GOLM1: variants seen among roughly 807,000 people sequenced by gnomAD.
The protein encoded by GOLM1 is golgi membrane protein 1, also known as epididymis luminal protein 46.
Under a neutral mutation model 50.5 loss-of-function variants are expected in GOLM1, and 31 were observed. The ratio of observed to expected loss-of-function variants is 0.61; its 90% CI spans 0.46 to 0.83. GOLM1 has a LOEUF of 0.83. Among genes scored for constraint, GOLM1 ranks in the 40% least tolerant of loss-of-function variants. The pLI is 0.00. For missense variants in GOLM1, 491 were observed against 501.3 expected (o/e 0.98, Z 0.20); for synonymous variants, 178 against 192.8 (o/e 0.92, Z 0.64).
At chr9:86,041,858 C>T (rs1833363018) in intron 5 of GOLM1, among the ~76,000 whole-genome samples, 1 of 152,162 alleles carries the variant, frequency 6.6e-6, no homozygotes, top group African/African-American at 2.4e-5. Flanking sequence ...GTGGCTCACG[C>T]CTGTAATCCC....
chr9:86,031,611 GC>G (rs1832987026), intron 9 of GOLM1, among the ~76,000 whole-genome samples: 1 of 151,360 alleles, frequency 6.6e-6, no homozygotes, highest in South Asian at 2.1e-4. Flanking sequence ...ACAGGCATGT[GC>G]CACCACGCCT....
intron 4 of GOLM1, among the ~76,000 whole-genome samples, chr9:86,051,918 A>G (rs1833766361): frequency 1.3e-5 from 2 of 152,312 alleles, no homozygotes; most frequent in South Asian, 4.1e-4. Context: ...CAAGTCATAT[A>G]AGGAATTTTT....
At chr9:86,056,503 A>AG (rs1315629039) in intron 3 of GOLM1, among the ~76,000 whole-genome samples, 3 of 72,520 alleles carry the variant, frequency 4.1e-5, no homozygotes, top group African/African-American at 2.2e-4. Context: ...TTTTTATTTA[A>AG]ATTTTTTTTT....
At chr9:86,099,679 C>T (rs1835476210), upstream of GOLM1, 1 of 151,222 alleles carries the variant, frequency 6.6e-6, no homozygotes, top group African/African-American at 2.4e-5. Flanking sequence ...CTCCCGGCCC[C>T]ACGGTGCGCG....
chr9:86,060,063 G>A (rs1332244166), intron 3 of GOLM1, among the ~76,000 whole-genome samples: 1 of 151,986 alleles, frequency 6.6e-6, no homozygotes, highest in African/African-American at 2.4e-5. Flanking sequence ...TAAGAAACAG[G>A]TGAAATTAAT....
intron 1 of GOLM1, among the ~76,000 whole-genome samples, chr9:86,093,568 CAAA>C (rs35939357): frequency 1.6e-5 from 2 of 124,648 alleles, no homozygotes; most frequent in African/African-American, 2.8e-5. Context: ...AGATTTCTGT[CAAA>C]AAAAAAAAAA....
chr9:86,040,036 A>T (rs1587700697), intron 6 of GOLM1, among the ~76,000 whole-genome samples: 1 of 151,942 alleles, frequency 6.6e-6, no homozygotes, highest in East Asian at 1.9e-4. Context: ...GAAATTGTCC[A>T]GATTAGGCAA....
At chr9:86,061,316 G>A (rs913446517) in intron 3 of GOLM1, among the ~76,000 whole-genome samples, 7 of 152,148 alleles carry the variant, frequency 4.6e-5, no homozygotes, top group Non-Finnish European at 7.3e-5. Context: ...CCTGTTGTCT[G>A]GAGAAATTTG....
chr9:86,079,102 C>G, intron 2 of GOLM1, 90 bp downstream of exon 2: 1 of 1,203,662 alleles, frequency 8.3e-7, no homozygotes, highest in Non-Finnish European at 1.1e-6. Flanking sequence ...CCCTGGCTGG[C>G]AATAAACAAC....
chr9:86,050,830 A>AT (rs1287428835), intron 4 of GOLM1, among the ~76,000 whole-genome samples: 3 of 151,994 alleles, frequency 2.0e-5, no homozygotes, highest in East Asian at 3.9e-4. Context: ...GGATTCATTG[A>AT]TTTTTTGAAG....
At position 86,052,519 on chromosome 9, in the gene GOLM1, G is replaced by A; in HGVS notation, c.364+18C>T. Reference sequence around the variant, plus strand: ...CTCAAAGGCCAGTGCCTGGTGTGGAGGAGCGAGCGGAACTTACCTTGCAGC... The same window carrying A: ...CTCAAAGGCCAGTGCCTGGTGTGGAAGAGCGAGCGGAACTTACCTTGCAGC... On this transcript the variant is annotated intron_variant, in intron 4 of 9. Coordinates refer to ENST00000388712, the MANE Select transcript of GOLM1 (RefSeq NM_016548.4). 1.2e-6 allele frequency: 2 copies of A among 1,611,814 alleles called. No individual in the cohort carries two copies. Among genetic ancestry groups the A allele is most frequent in the South Asian group, 2.2e-5 (2 of 91,056 alleles).
At chr9:86,053,362 C>CA (rs1833840364) in intron 3 of GOLM1, among the ~76,000 whole-genome samples, 4 of 76,126 alleles carry the variant, frequency 5.3e-5, no homozygotes, top group Non-Finnish European at 7.7e-5. Context: ...ACACCACGTA[C>CA]CACTCCACAC....
chr9:86,034,452 C>T (rs916963127), intron 8 of GOLM1, among the ~76,000 whole-genome samples: 10 of 152,174 alleles, frequency 6.6e-5, no homozygotes, highest in Admixed American at 2.6e-4. Context: ...ACCTTTGTTA[C>T]GCTTTGTGAC....
At chr9:86,040,901 C>A (rs538048902) in intron 5 of GOLM1, 33 bp from the exon 6 acceptor site, 6 of 1,606,496 alleles carry the variant, frequency 3.7e-6, no homozygotes, top group Non-Finnish European at 5.1e-6. Context: ...AAGGGCCTGA[C>A]GTCTATGACT....
Position 86,027,903 on chromosome 9 carries a change from A to C in GOLM1, c.1130-10T>G. The C allele has an allele frequency of 6.8e-7, 1 of 1,459,930 alleles. No homozygotes were observed. The allele number at this position is 1,459,930 out of a possible 1,614,324, so 90.4% of individuals were successfully genotyped here. A position where few individuals can be genotyped will look rare whatever the true frequency, so the allele number is the denominator to read the frequency against. On this transcript the variant is annotated splice_polypyrimidine_tract_variant and intron_variant, in intron 9 of 9. Transcript: ENST00000388712. The stretch of plus-strand genomic sequence containing the variant: ...TCTTCAACATTAAAAACTAAAAAGG[A>C]AAAACACATAATATTCTATAGAGTA...
At chr9:86,060,899 AAAAAAAAAAAAAAAAG>A (rs60487364) in intron 3 of GOLM1, among the ~76,000 whole-genome samples, 10,274 of 122,674 alleles carry the variant, frequency 0.084, 1,232 homozygotes, top group East Asian at 0.27. Flanking sequence ...AAAAAAAAAA[AAAAAAAAAAAAAAAAG>A]AAGAAGAAGA....
At chr9:86,032,581 G>A (rs760925011) in intron 9 of GOLM1, among the ~76,000 whole-genome samples, 3 of 152,210 alleles carry the variant, frequency 2.0e-5, no homozygotes, top group Non-Finnish European at 4.4e-5. Context: ...TAAATGTGCT[G>A]TGATGGCAGC....
At chr9:86,040,599 T>G (rs1160045124) in intron 6 of GOLM1, 140 bp downstream of exon 6, 4 of 724,422 alleles carry the variant, frequency 5.5e-6, no homozygotes, top group Non-Finnish European at 9.2e-6. Context: ...CAGTACCAGG[T>G]TCTGCTCTGT....
Position 86,027,675 on chromosome 9 carries a change from G to A in GOLM1, c.*142C>T. 1.4e-6 allele frequency: 2 copies of A among 1,419,128 alleles called. No homozygotes were observed. Among genetic ancestry groups the A allele is most frequent in the Non-Finnish European group, 1.8e-6 (2 of 1,087,908 alleles). 87.9% of individuals were successfully genotyped at this position (1,419,128 alleles called of 1,614,324 possible). On this transcript the variant is annotated 3_prime_UTR_variant, in exon 10 of 10. Transcript: ENST00000388712. ...ACCATTCCATTTTTTCCTACACAAA[G>A]TGCATACTAAAATTTCACAATAATC...
Sources: allele counts gnomAD v4.1 joint callset (sites outside exome capture counted in the v4.1 genomes callset), GRCh38; gene constraint gnomAD v4.1.1; transcripts MANE v1.5; gene names NCBI Gene and HGNC (gene_info 2026-07-23, HGNC 2026-07-21).